Variants in GLRA3 observed in about 807,000 individuals in gnomAD.
The protein encoded by GLRA3 is glycine receptor subunit alpha-3.
GLRA3 carries 44 observed loss-of-function variants against 60.4 expected under a neutral mutation model. The ratio of observed to expected loss-of-function variants is 0.73; its 90% CI spans 0.57 to 0.94. The LOEUF (loss-of-function observed/expected upper bound fraction) is 0.94, where lower values mean the gene tolerates loss of function less well. Ranked by LOEUF, GLRA3 falls within the 40% of genes least tolerant of loss-of-function variation. The pLI is 0.00. For synonymous variants in GLRA3, 223 were observed against 192.9 expected (o/e 1.16, Z -1.29); for missense variants, 508 against 564.6 (o/e 0.90, Z 1.02).
intron 4 of GLRA3, among the ~76,000 whole-genome samples, chr4:174,721,035 GTGTGTGTT>G (rs1372956688): frequency 6.6e-4 from 99 of 149,226 alleles, no homozygotes; most frequent in African/African-American, 2.3e-3. Flanking sequence ...GTGTGTGTGT[GTGTGTGTT>G]TTTGAGATGG....
intron 9 of GLRA3, among the ~76,000 whole-genome samples, chr4:174,648,261 G>C (rs1039018090): frequency 8.5e-5 from 13 of 152,100 alleles, no homozygotes; most frequent in Admixed American, 5.2e-4. Context: ...AGGAATTCGA[G>C]ACCAGCCTGG....
chr4:174,699,249 G>A lies in GLRA3; in HGVS notation c.574+16239C>T, dbSNP rs139791611. ...ACTCCTGACCTTAGGTCATCAACCC[G>A]TCTCAGCCTCCCAAAGTGCTGGGAT... is the stretch of plus-strand genomic sequence containing the variant. On this transcript the variant is annotated intron_variant, in intron 5 of 9. Coordinates refer to ENST00000274093, the MANE Select transcript of GLRA3 (RefSeq NM_006529.4). Among the ~76,000 whole-genome samples the A allele has an allele frequency of 8.1e-3, 1,229 of 152,178 alleles. 15 individuals carry two copies. Among genetic ancestry groups the A allele is most frequent in the African/African-American group, 0.026 (1,066 of 41,528 alleles).
rs1256216081 is a variant in GLRA3 at position 174,677,365 on chromosome 4, C to A, written c.713-73G>T. ...GTTACGGCATCAAATATCACAATTT[C>A]TCTTTTTTTTTTGAGACAGGGTCTC... On this transcript the variant is annotated intron_variant, in intron 6 of 9. Transcript: ENST00000274093. 7.9e-6 allele frequency: 7 copies of A among 883,558 alleles called. No individual in the cohort carries two copies. The Admixed American group carries it at 1.0e-4, about 13-fold the overall frequency. 54.7% of individuals were successfully genotyped at this position (883,558 alleles called of 1,614,324 possible).
At chr4:174,778,824 C>T (rs1026692961) in intron 2 of GLRA3, among the ~76,000 whole-genome samples, 6 of 152,250 alleles carry the variant, frequency 3.9e-5, no homozygotes, top group African/African-American at 1.2e-4. Context: ...GGGTCCTACC[C>T]CACGGAGTCT....
rs1732543178 is a variant in GLRA3, at chr4:174,638,149, A to T, written c.*5637T>A. 2 of 152,180 alleles carry T rather than the reference A, an allele frequency of 1.3e-5. No homozygotes were observed. The highest frequency in any genetic ancestry group is 1.3e-4 in the Admixed American group (2 of 15,272). The allele number at this position is 152,180 out of a possible 1,614,324, so 9.4% of individuals were successfully genotyped here. ...ATCATCTAGAGTTATGTCACAATGG[A>T]ACAGAAGACTGCCCTCAGAGTAATG... On this transcript the variant is annotated 3_prime_UTR_variant, in exon 10 of 10. Transcript: ENST00000274093.
chr4:174,809,241 G>A (rs899547426), intron 1 of GLRA3, among the ~76,000 whole-genome samples: 3 of 152,100 alleles, frequency 2.0e-5, no homozygotes, highest in Admixed American at 1.3e-4. Context: ...TGCTGTACAG[G>A]TTTGCAGCCT....
At chr4:174,778,346 T>A (rs1738691310) in intron 2 of GLRA3, among the ~76,000 whole-genome samples, 1 of 152,114 alleles carries the variant, frequency 6.6e-6, no homozygotes, top group Non-Finnish European at 1.5e-5. Context: ...TCTTTTCTTT[T>A]TTTTTCTTTT....
chr4:174,741,150 C>T (rs1737010638), intron 3 of GLRA3, among the ~76,000 whole-genome samples: 1 of 152,158 alleles, frequency 6.6e-6, no homozygotes, highest in Admixed American at 6.5e-5. Flanking sequence ...AAAAAAAGTG[C>T]TAAACTGTTT....
chr4:174,766,735 G>T (rs950530916), intron 3 of GLRA3, among the ~76,000 whole-genome samples: 1 of 151,940 alleles, frequency 6.6e-6, no homozygotes, highest in Non-Finnish European at 1.5e-5. Flanking sequence ...ATATTAGATT[G>T]TTGAATGGAG....
intron 7 of GLRA3, among the ~76,000 whole-genome samples, chr4:174,664,741 T>C (rs926731562): frequency 2.0e-5 from 3 of 152,198 alleles, no homozygotes; most frequent in Non-Finnish European, 4.4e-5. Flanking sequence ...TTCTGTTAAT[T>C]TAATGTTCAA....
chr4:174,728,759 A>G, intron 3 of GLRA3, 61 bp from the exon 4 acceptor site: 1 of 1,077,442 alleles, frequency 9.3e-7, no homozygotes, highest in Admixed American at 2.3e-5. Context: ...TTTAAAATCC[A>G]TAGTGTCAGT....
chr4:174,706,255 T>C (rs1735519241), intron 5 of GLRA3, among the ~76,000 whole-genome samples: 1 of 151,742 alleles, frequency 6.6e-6, no homozygotes, highest in Admixed American at 6.6e-5. Flanking sequence ...AAAAAAAATG[T>C]TCAGAAATGG....
rs190761534 is a variant in GLRA3, at chr4:174,740,772, C to T, written c.268-12074G>A. ...TTGCCCTTTTGTCTTGAAACCATCCCTACACCTATTCCCTCAAAGCCAGTG... is the reference window on the plus strand; with the variant it reads ...TTGCCCTTTTGTCTTGAAACCATCCTTACACCTATTCCCTCAAAGCCAGTG... On this transcript the variant is annotated intron_variant, in intron 3 of 9. Transcript: ENST00000274093. Among the ~76,000 whole-genome samples the T allele has an allele frequency of 3.4e-4, 52 of 152,334 alleles. 1 individual carries two copies. In the Middle Eastern group the frequency reaches 0.017, roughly 50 times the overall value.
At chr4:174,682,976 A>G in intron 5 of GLRA3, 37 bp from the exon 6 acceptor site, 1 of 1,543,068 alleles carries the variant, frequency 6.5e-7, no homozygotes, top group Non-Finnish European at 8.9e-7. Context: ...ATAGTCTAAA[A>G]AGGGCATTCA....
Position 174,687,264 on chromosome 4 carries a change from T to C in GLRA3, c.575-4325A>G, listed in dbSNP as rs952747730. On this transcript the variant is annotated intron_variant, in intron 5 of 9. Coordinates refer to ENST00000274093, the MANE Select transcript of GLRA3 (RefSeq NM_006529.4). ...AGTAAATATCTTACAGTAAAAACAA[T>C]GCCACTTTTATTTCGGAATGTTCTT... 4.9e-4 allele frequency among the ~76,000 whole-genome samples: 75 copies of C among 152,218 alleles called. 1 individual carries two copies. Among genetic ancestry groups the C allele is most frequent in the Non-Finnish European group, 1.5e-4 (10 of 68,024 alleles).
At chr4:174,816,089 A>C (rs1286510001) in intron 1 of GLRA3, among the ~76,000 whole-genome samples, 1 of 152,220 alleles carries the variant, frequency 6.6e-6, no homozygotes, top group Non-Finnish European at 1.5e-5. Flanking sequence ...ATTCTGATTC[A>C]GTGAGTATGT....
chr4:174,750,768 T>C (rs1288446989), intron 3 of GLRA3, among the ~76,000 whole-genome samples: 1 of 152,070 alleles, frequency 6.6e-6, no homozygotes, highest in Non-Finnish European at 1.5e-5. Flanking sequence ...TGACTGCAGA[T>C]GGTTGCTCAG....
chr4:174,713,015 A>G (rs1021913432), intron 5 of GLRA3, among the ~76,000 whole-genome samples: 1 of 151,774 alleles, frequency 6.6e-6, no homozygotes, highest in African/African-American at 2.4e-5. Flanking sequence ...TGTATATGTA[A>G]TTGTCCTAAA....
chr4:174,791,151 T>C (rs1469553492), intron 1 of GLRA3, among the ~76,000 whole-genome samples: 1 of 152,010 alleles, frequency 6.6e-6, no homozygotes, highest in Non-Finnish European at 1.5e-5. Flanking sequence ...TAAAGATACA[T>C]GAAACAGTAT....
Sources: gnomAD v4.1 joint callset for allele counts (sites outside exome capture counted in the v4.1 genomes callset) on GRCh38, gnomAD v4.1.1 for gene constraint, MANE v1.5 for transcripts, NCBI Gene and HGNC (gene_info 2026-07-23, HGNC 2026-07-21) for gene names.